ADCY10: variants seen among roughly 807,000 people sequenced by gnomAD.
The protein encoded by ADCY10 is adenylate cyclase 10.
A neutral mutation model predicts 183.3 loss-of-function variants in ADCY10; 156 were observed. The observed-to-expected ratio is 0.85, with a 90% confidence interval of 0.75 to 0.97. The LOEUF is 0.97. Among genes scored for constraint, ADCY10 ranks in the 50% least tolerant of loss-of-function variants. ADCY10 has a pLI of 0.00. For missense variants in ADCY10, 1,745 were observed against 1,934.3 expected (o/e 0.90, Z 1.84); for synonymous variants, 645 against 670.0 (o/e 0.96, Z 0.58).
At chr1:167,839,077 A>G (rs1034280424) in intron 21 of ADCY10, among the ~76,000 whole-genome samples, 5 of 152,204 alleles carry the variant, frequency 3.3e-5, no homozygotes, top group Non-Finnish European at 4.4e-5. Context: ...ACTGCAAAAA[A>G]CTAATCTCCC....
At chr1:167,815,510 C>T (rs956159329) in intron 31 of ADCY10, among the ~76,000 whole-genome samples, 2 of 152,122 alleles carry the variant, frequency 1.3e-5, no homozygotes, top group African/African-American at 4.8e-5. Flanking sequence ...GGAATAGGCT[C>T]ACTAAAAGAC....
intron 17 of ADCY10, among the ~76,000 whole-genome samples, chr1:167,855,520 T>C (rs1356937520): frequency 6.6e-6 from 1 of 152,190 alleles, no homozygotes; most frequent in African/African-American, 2.4e-5. Context: ...CTTTAACGCT[T>C]ACCAGTTTGC....
intron 19 of ADCY10, 122 bp from the exon 20 acceptor site, chr1:167,846,385 C>G: frequency 8.3e-7 from 1 of 1,199,050 alleles, no homozygotes; most frequent in Non-Finnish European, 1.2e-6. Context: ...GAAACTCAGC[C>G]AAGCTAAGTC....
intron 1 of ADCY10, among the ~76,000 whole-genome samples, chr1:167,910,112 C>T (rs1670058061): frequency 6.6e-6 from 1 of 152,206 alleles, no homozygotes; most frequent in Admixed American, 6.5e-5. Flanking sequence ...TGCCAATGCT[C>T]CCAGCCGAAT....
At chr1:167,877,005 T>A (rs990681419) in intron 12 of ADCY10, among the ~76,000 whole-genome samples, 1 of 152,038 alleles carries the variant, frequency 6.6e-6, no homozygotes, top group Non-Finnish European at 1.5e-5. Flanking sequence ...GGCACGTGAA[T>A]AAGCCAAGAC....
At chr1:167,829,642 T>A (rs1315482532) in intron 25 of ADCY10, among the ~76,000 whole-genome samples, 2 of 152,210 alleles carry the variant, frequency 1.3e-5, no homozygotes, top group Non-Finnish European at 2.9e-5. Context: ...TTATAATGAT[T>A]AAGATAATTT....
chr1:167,865,974 C>T (rs1006406077), intron 14 of ADCY10, among the ~76,000 whole-genome samples: 4 of 152,202 alleles, frequency 2.6e-5, no homozygotes, highest in Admixed American at 6.5e-5. Flanking sequence ...ATCCAGCCTC[C>T]GTCTCCCAAC....
intron 3 of ADCY10, 59 bp from the exon 4 acceptor site, chr1:167,902,113 A>C: frequency 1.3e-6 from 2 of 1,503,410 alleles, no homozygotes. Context: ...GTAAAAAAAC[A>C]TCATTCTTTC....
chr1:167,889,353 TC>T (rs1388528299), intron 8 of ADCY10, among the ~76,000 whole-genome samples: 2 of 152,216 alleles, frequency 1.3e-5, no homozygotes, highest in Non-Finnish European at 2.9e-5. Flanking sequence ...TGTCCTTCAT[TC>T]TGTAGATAAG....
chr1:167,894,959 C>A (rs181898507), intron 7 of ADCY10, among the ~76,000 whole-genome samples: 18 of 152,088 alleles, frequency 1.2e-4, no homozygotes, highest in African/African-American at 4.1e-4. Flanking sequence ...CCAAGGCAGG[C>A]GGATCATGAG....
chr1:167,820,391 G>C (rs1186196741), intron 30 of ADCY10: 3 of 552,860 alleles, frequency 5.4e-6, no homozygotes, highest in Non-Finnish European at 9.3e-6. Flanking sequence ...GCCTGGCTCA[G>C]CACCCCGAGA....
rs778932200 is a variant in ADCY10, at chr1:167,880,166, C to G, written c.1165G>C (p.Gly389Arg). 1.9e-6 allele frequency: 3 copies of G among 1,613,552 alleles called. No homozygotes were observed. Among genetic ancestry groups the G allele is most frequent in the Non-Finnish European group, 2.5e-6 (3 of 1,179,848 alleles). ...CCAACGATCCCACAGAAGACAATCC[C>G]ACTGGCAACACCGATGGATACAGTT... is the stretch of plus-strand genomic sequence containing the variant. Reference protein sequence around the residue: ...IQTVSIGVASGIVFCGIVGHT... With the variant: ...IQTVSIGVASRIVFCGIVGHT... The change falls in exon 11 of 33, where the codon GGG becomes CGG. Residue 389 changes from glycine to arginine, a missense_variant. Physicochemically the swap from Gly to Arg is moderately radical, Grantham distance 125 (BLOSUM62 -2). Coordinates refer to ENST00000367851, the MANE Select transcript of ADCY10 (RefSeq NM_018417.6).
intron 23 of ADCY10, 110 bp from the exon 24 acceptor site, chr1:167,834,187 T>C (rs1664016302): frequency 1.3e-6 from 1 of 798,280 alleles, no homozygotes; most frequent in Non-Finnish European, 2.1e-6. Context: ...GCCATTTCAG[T>C]TACCACCTCC....
intron 18 of ADCY10, among the ~76,000 whole-genome samples, 196 bp from the exon 19 acceptor site, chr1:167,848,685 C>T (rs1440298856): frequency 6.6e-6 from 1 of 151,902 alleles, no homozygotes; most frequent in African/African-American, 2.4e-5. Flanking sequence ...GAGTCTCTCA[C>T]TGTCGCCCAG....
chr1:167,877,822 A>G (rs1654184654), intron 12 of ADCY10, among the ~76,000 whole-genome samples: 3 of 152,192 alleles, frequency 2.0e-5, no homozygotes, highest in South Asian at 2.1e-4. Context: ...GGTTTTCCCA[A>G]TAGACCAGGA....
intron 26 of ADCY10, among the ~76,000 whole-genome samples, chr1:167,827,113 T>C (rs1283832322): frequency 6.6e-6 from 1 of 151,850 alleles, no homozygotes; most frequent in Non-Finnish European, 1.5e-5. Flanking sequence ...CTTGACCCCT[T>C]CCCTTAATTC....
At chr1:167,904,069 C>G (rs1204362085) in intron 2 of ADCY10, 78 bp from the exon 3 acceptor site, 1 of 771,978 alleles carries the variant, frequency 1.3e-6, no homozygotes, top group African/African-American at 1.8e-5. Flanking sequence ...CCCTGGAAGG[C>G]AGCGGGCCTC....
intron 12 of ADCY10, among the ~76,000 whole-genome samples, chr1:167,875,783 T>C (rs1187914285): frequency 6.6e-6 from 1 of 152,058 alleles, no homozygotes; most frequent in Non-Finnish European, 1.5e-5. Flanking sequence ...ACCCCGTCTC[T>C]ACCAAAAATA....
intron 28 of ADCY10, 74 bp downstream of exon 28, chr1:167,824,402 C>CTAAA: frequency 7.8e-7 from 1 of 1,289,770 alleles, no homozygotes. Flanking sequence ...TAGGACTAGG[C>CTAAA]TAAAGTTGAA....
Sources: gnomAD v4.1 joint callset for allele counts (sites outside exome capture counted in the v4.1 genomes callset) on GRCh38, gnomAD v4.1.1 for gene constraint, MANE v1.5 for transcripts, NCBI Gene and HGNC (gene_info 2026-07-23, HGNC 2026-07-21) for gene names.